ANO2: variants seen among roughly 807,000 people sequenced by gnomAD.
ANO2 encodes anoctamin 2, also known as anoctamin-2.
Under a neutral mutation model 124.2 loss-of-function variants are expected in ANO2, and 101 were observed. The observed-to-expected ratio is 0.81, with a 90% confidence interval of 0.69 to 0.96. The LOEUF is 0.96. Ranked by LOEUF, ANO2 falls within the 40% of genes least tolerant of loss-of-function variation. The probability of loss-of-function intolerance (pLI) is 0.00; values close to 1 mark genes in which losing one functional copy is unlikely to be tolerated. For missense variants in ANO2, 1,293 were observed against 1,274.5 expected (o/e 1.01, Z -0.22); for synonymous variants, 486 against 482.5 (o/e 1.01, Z -0.09).
chr12:5,868,316 A>T (rs1023306114), intron 3 of ANO2, among the ~76,000 whole-genome samples: 1 of 152,192 alleles, frequency 6.6e-6, no homozygotes, highest in Non-Finnish European at 1.5e-5. Context: ...CACATTAAAG[A>T]AGAGCTCAGA....
chr12:5,585,042 A>T (rs1405889542), intron 20 of ANO2, among the ~76,000 whole-genome samples: 1 of 152,032 alleles, frequency 6.6e-6, no homozygotes, highest in Non-Finnish European at 1.5e-5. Flanking sequence ...TGACAGCCTC[A>T]CGTGGTGAGA....
intron 14 of ANO2, among the ~76,000 whole-genome samples, chr12:5,704,033 AG>A (rs746677295): frequency 6.6e-5 from 10 of 152,156 alleles, no homozygotes; most frequent in South Asian, 4.1e-4. Context: ...CTACAATAGA[AG>A]ATTACTTATT....
chr12:5,639,337 T>A (rs1946212253), intron 15 of ANO2, among the ~76,000 whole-genome samples: 1 of 152,170 alleles, frequency 6.6e-6, no homozygotes, highest in Non-Finnish European at 1.5e-5. Context: ...CATTCAGTCA[T>A]TCATAAAATG....
intron 16 of ANO2, among the ~76,000 whole-genome samples, chr12:5,628,099 A>G (rs985025896): frequency 6.6e-6 from 1 of 152,126 alleles, no homozygotes; most frequent in Non-Finnish European, 1.5e-5. Flanking sequence ...GACCCTGTCT[A>G]TTTTTGAAAA....
rs1945948726 is a variant in ANO2 at position 5,635,252 on chromosome 12, G to A, written c.1716C>T (p.Val572=). 2 of 1,613,178 alleles carry A rather than the reference G, an allele frequency of 1.2e-6. No individual in the cohort carries two copies. Among genetic ancestry groups the A allele is most frequent in the Non-Finnish European group, 1.7e-6 (2 of 1,179,744 alleles). The part of the protein sequence containing the change: ...LSLNKATRSN[V]RVTVTATAVI... Reference sequence around the variant, plus strand: ...CTGCTGTTGCTGTCACTGTCACCCGGACATTGGAGCGTGTAGCCTTATTGA... The same window carrying A: ...CTGCTGTTGCTGTCACTGTCACCCGAACATTGGAGCGTGTAGCCTTATTGA... The change falls in exon 16 of 25, where the codon GTC becomes GTT. Residue 572 remains valine (V), a synonymous_variant. Transcript: ENST00000682330. This position sits in a 1 kb window ranked among gnomAD's most constrained non-coding sequence, Gnocchi z 5.2.
rs762559906 is a variant in ANO2 at position 5,923,081 on chromosome 12, T to TACACACACGCACAC, written c.23-278_23-277insGTGTGCGTGTGTGT. Among the ~76,000 whole-genome samples, 2 of 21,876 alleles carry TACACACACGCACAC rather than the reference T, an allele frequency of 9.1e-5. 1 individual carries two copies. The highest frequency in any genetic ancestry group is 2.4e-4 in the Non-Finnish European group (2 of 8,478). The allele number at this position is 21,876 out of a possible 152,430, so 14.4% of individuals were successfully genotyped here. A position where few individuals can be genotyped will look rare whatever the true frequency, so the allele number is the denominator to read the frequency against. ...CCACATACACACACACATGCACACA[T>TACACACACGCACAC]ACACACACACACGCACACACATACA... is the stretch of plus-strand genomic sequence containing the variant. On this transcript the variant is annotated intron_variant, in intron 1 of 24. Coordinates refer to ENST00000682330, the MANE Select transcript of ANO2 (RefSeq NM_001364791.2).
At chr12:5,842,082 G>C (rs1019083454) in intron 4 of ANO2, among the ~76,000 whole-genome samples, 1 of 151,968 alleles carries the variant, frequency 6.6e-6, no homozygotes, top group Non-Finnish European at 1.5e-5. Flanking sequence ...GTCTTGCTTT[G>C]TTGGCCAGGT....
intron 3 of ANO2, among the ~76,000 whole-genome samples, chr12:5,879,490 C>T (rs769463514): frequency 1.3e-5 from 2 of 152,130 alleles, no homozygotes; most frequent in Non-Finnish European, 2.9e-5. Context: ...ACTAGGGTTA[C>T]CAGGACAAAA....
chr12:5,573,844 A>G (rs1202763838), intron 23 of ANO2, among the ~76,000 whole-genome samples: 1 of 152,226 alleles, frequency 6.6e-6, no homozygotes, highest in Non-Finnish European at 1.5e-5. Flanking sequence ...TGTTCCTGGA[A>G]CTGGAATACC....
At chr12:5,834,590 A>C (rs2137222713) in intron 4 of ANO2, among the ~76,000 whole-genome samples, 1 of 152,380 alleles carries the variant, frequency 6.6e-6, no homozygotes, top group Non-Finnish European at 1.5e-5. Flanking sequence ...ATGATAAGTA[A>C]GGACAGGGCA....
At chr12:5,847,975 C>T (rs376519562) in intron 4 of ANO2, among the ~76,000 whole-genome samples, 17 of 152,354 alleles carry the variant, frequency 1.1e-4, no homozygotes, top group African/African-American at 4.1e-4. Context: ...GGCATTTCTG[C>T]TCGAACCGTT....
chr12:5,837,976 A>G (rs1416202191), intron 4 of ANO2, among the ~76,000 whole-genome samples: 1 of 151,990 alleles, frequency 6.6e-6, no homozygotes, highest in Middle Eastern at 3.2e-3. Flanking sequence ...CAAGACTAAT[A>G]AAGAAAAAAA....
chr12:5,633,149 A>G (rs984531924), intron 16 of ANO2, among the ~76,000 whole-genome samples: 1 of 152,122 alleles, frequency 6.6e-6, no homozygotes, highest in Non-Finnish European at 1.5e-5. Flanking sequence ...TGGGTGAGAG[A>G]AGGAGGAGTA....
intron 10 of ANO2, among the ~76,000 whole-genome samples, chr12:5,778,994 C>T (rs1952308418): frequency 6.6e-6 from 1 of 152,180 alleles, no homozygotes; most frequent in Admixed American, 6.5e-5. Flanking sequence ...GGAGTCACTC[C>T]TTCCTGGAAG....
intron 23 of ANO2, among the ~76,000 whole-genome samples, chr12:5,569,571 C>A (rs1941978621): frequency 6.6e-6 from 1 of 152,172 alleles, no homozygotes; most frequent in South Asian, 2.1e-4. Flanking sequence ...AGCAGCTACG[C>A]CACTTACTAC....
intron 1 of ANO2, among the ~76,000 whole-genome samples, chr12:5,940,527 G>A (rs1360384524): frequency 1.3e-5 from 2 of 152,172 alleles, no homozygotes; most frequent in African/African-American, 4.8e-5. Flanking sequence ...CTTCTCCAGT[G>A]ACAGGCTTGT....
chr12:5,835,467 C>G (rs914009786), intron 4 of ANO2, among the ~76,000 whole-genome samples: 3 of 152,300 alleles, frequency 2.0e-5, no homozygotes, highest in Admixed American at 2.0e-4. Context: ...AGCCTGCCTT[C>G]CGAAACAAGG....
intron 11 of ANO2, among the ~76,000 whole-genome samples, chr12:5,746,078 G>A (rs2137085350): frequency 1.3e-5 from 2 of 152,314 alleles, no homozygotes; most frequent in Middle Eastern, 3.4e-3. Context: ...TCAAGTATAT[G>A]TGTTAGGGAC....
intron 14 of ANO2, among the ~76,000 whole-genome samples, chr12:5,721,719 G>T (rs569041831): frequency 6.6e-6 from 1 of 152,170 alleles, no homozygotes; most frequent in South Asian, 2.1e-4. Context: ...CGTTGCCCAC[G>T]CTGGTCTCAA....
Sources: allele counts gnomAD v4.1 joint callset (sites outside exome capture counted in the v4.1 genomes callset), GRCh38; gene constraint gnomAD v4.1.1; non-coding constraint Gnocchi (gnomAD v3.1); transcripts MANE v1.5; gene names NCBI Gene and HGNC (gene_info 2026-07-23, HGNC 2026-07-21).